The following RIMS2 variants were observed in gnomAD, a reference collection of about 807,000 sequenced individuals.
The protein encoded by RIMS2 is regulating synaptic membrane exocytosis protein 2.
RIMS2 carries 59 observed loss-of-function variants against 174.4 expected under a neutral mutation model. That is an observed-to-expected ratio of 0.34 (90% CI 0.27 to 0.42). The LOEUF is 0.42. Among genes scored for constraint, RIMS2 ranks in the 10% least tolerant of loss-of-function variants. The pLI is 1.00. For synonymous variants in RIMS2, 606 were observed against 572.5 expected (o/e 1.06, Z -0.84); for missense variants, 1,620 against 1,666.3 (o/e 0.97, Z 0.48).
chr8:104,031,267 A>G (rs1355715519), intron 19 of RIMS2, among the ~76,000 whole-genome samples: 2 of 152,124 alleles, frequency 1.3e-5, no homozygotes, highest in African/African-American at 4.8e-5. Context: ...AAATTTCTAC[A>G]TTGTAATTCT....
intron 1 of RIMS2, among the ~76,000 whole-genome samples, chr8:103,536,778 A>G (rs1351861677): frequency 2.0e-5 from 3 of 152,320 alleles, no homozygotes; most frequent in Non-Finnish European, 1.5e-5. Flanking sequence ...ATCACCTCCC[A>G]CCAGGTCCCA....
chr8:103,921,023 A>ACAG (rs2077543940), intron 9 of RIMS2: 1 of 230,706 alleles, frequency 4.3e-6, no homozygotes, highest in Non-Finnish European at 8.6e-6. Context: ...AACAACAACA[A>ACAG]CAACAACAAC....
At chr8:103,818,829 A>G (rs929894515) in intron 3 of RIMS2, among the ~76,000 whole-genome samples, 1 of 152,206 alleles carries the variant, frequency 6.6e-6, no homozygotes. Flanking sequence ...TTCCAAATGT[A>G]CTTCTCTTAG....
At chr8:103,535,503 C>T (rs62527069) in intron 1 of RIMS2, among the ~76,000 whole-genome samples, 7,754 of 152,248 alleles carry the variant, frequency 0.051, 277 homozygotes, top group Middle Eastern at 0.078. Flanking sequence ...GAGTCGATTA[C>T]AGCTAGAAGA....
At chr8:103,696,936 GTTAAT>G in intron 1 of RIMS2, 145 bp from the exon 4 acceptor site, 1 of 514,270 alleles carries the variant, frequency 1.9e-6, no homozygotes, top group South Asian at 2.1e-5. Context: ...CATGAAAAGT[GTTAAT>G]TTATCATCAG....
chr8:103,767,215 G>A (rs533764522), intron 3 of RIMS2, among the ~76,000 whole-genome samples: 17 of 147,892 alleles, frequency 1.1e-4, no homozygotes, highest in African/African-American at 3.0e-4. Flanking sequence ...TTGAGATGGA[G>A]TCTCGCTCTG....
chr8:103,744,513 G>A (rs998191208), intron 2 of RIMS2, among the ~76,000 whole-genome samples: 5 of 151,982 alleles, frequency 3.3e-5, no homozygotes, highest in Non-Finnish European at 7.4e-5. Context: ...CTTAAGATAC[G>A]AATTAATGGT....
chr8:103,950,903 T>G (rs1472295261), intron 14 of RIMS2, among the ~76,000 whole-genome samples: 5 of 152,176 alleles, frequency 3.3e-5, no homozygotes, highest in Non-Finnish European at 7.3e-5. Flanking sequence ...TTATAAGAAG[T>G]GAATCTATCA....
At chr8:104,040,029 T>C (rs2096582513) in intron 19 of RIMS2, among the ~76,000 whole-genome samples, 1 of 151,716 alleles carries the variant, frequency 6.6e-6, no homozygotes, top group South Asian at 2.1e-4. Context: ...CTAAGATTTC[T>C]GGTTTTTTCC....
At chr8:104,136,206 C>G (rs1182038274) in intron 19 of RIMS2, among the ~76,000 whole-genome samples, 3 of 152,104 alleles carry the variant, frequency 2.0e-5, no homozygotes, top group Non-Finnish European at 4.4e-5. Flanking sequence ...TATTGTCTAT[C>G]TTATGTCTCT....
chr8:103,908,093 G>A (rs1305881824), intron 4 of RIMS2, among the ~76,000 whole-genome samples: 1 of 151,950 alleles, frequency 6.6e-6, no homozygotes, highest in Non-Finnish European at 1.5e-5. Flanking sequence ...CCAGGCTGGA[G>A]TGCAGTGGCG....
At chr8:104,252,006 G>A (rs2140332911), downstream of RIMS2, 1 of 596,942 alleles carries the variant, frequency 1.7e-6, no homozygotes, top group South Asian at 2.1e-5. Context: ...AAGGCCCTCA[G>A]GTGAAAGAGC....
intron 1 of RIMS2, among the ~76,000 whole-genome samples, chr8:103,594,278 T>C (rs1280677239): frequency 5.9e-5 from 9 of 151,616 alleles, no homozygotes; most frequent in Non-Finnish European, 1.3e-4. Flanking sequence ...TCTTTGTTGG[T>C]AATTTTGCTA....
chr8:103,756,927 T>C lies in RIMS2; in HGVS notation c.388-9300T>C, dbSNP rs141687043. Among the ~76,000 whole-genome samples, 404 of 151,950 alleles carry C rather than the reference T, an allele frequency of 2.7e-3. 2 individuals carry two copies. The highest frequency in any genetic ancestry group is 0.012 in the South Asian group (58 of 4,806). ...TCAAATGGCATTGCCAATCAAATAG[T>C]GTTCAAATAAGGACAGTTTTATTTC... On this transcript the variant is annotated intron_variant, in intron 2 of 23. Transcript: ENST00000504942.
intron 3 of RIMS2, among the ~76,000 whole-genome samples, chr8:103,797,260 C>T (rs755269316): frequency 5.9e-5 from 9 of 152,028 alleles, no homozygotes; most frequent in Non-Finnish European, 1.3e-4. Context: ...TATATTTTTG[C>T]TTAGAAAGGA....
At chr8:104,138,059 G>A (rs1183797585) in intron 19 of RIMS2, among the ~76,000 whole-genome samples, 2 of 152,068 alleles carry the variant, frequency 1.3e-5, no homozygotes, top group Admixed American at 1.3e-4. Flanking sequence ...TCTTTCTGTG[G>A]CTGGCCTATT....
intron 1 of RIMS2, among the ~76,000 whole-genome samples, chr8:103,686,066 T>G (rs1590308877): frequency 6.6e-6 from 1 of 152,128 alleles, no homozygotes; most frequent in South Asian, 2.1e-4. Flanking sequence ...TACCTGAATC[T>G]TTTTTCTTTT....
At chr8:103,740,108 A>G (rs7004080) in intron 2 of RIMS2, among the ~76,000 whole-genome samples, 239 of 152,294 alleles carry the variant, frequency 1.6e-3, no homozygotes, top group Non-Finnish European at 2.7e-3. Context: ...TTATGCCAAC[A>G]TAGGAAGTTA....
chr8:103,883,068 A>G (rs760416897), intron 3 of RIMS2, among the ~76,000 whole-genome samples: 3 of 151,686 alleles, frequency 2.0e-5, no homozygotes, highest in Non-Finnish European at 4.4e-5. Flanking sequence ...TACCTAAGAA[A>G]TGGAAGATGG....
Sources: gnomAD v4.1 joint callset for allele counts (sites outside exome capture counted in the v4.1 genomes callset) on GRCh38, gnomAD v4.1.1 for gene constraint, MANE v1.5 for transcripts, NCBI Gene and HGNC (gene_info 2026-07-23, HGNC 2026-07-21) for gene names.